Variants in BAZ1B observed in about 807,000 individuals in gnomAD.
The protein encoded by BAZ1B is tyrosine-protein kinase BAZ1B.
In BAZ1B, 22 loss-of-function variants were observed where a neutral mutation model predicts 153.8. The ratio of observed to expected loss-of-function variants is 0.14; its 90% CI spans 0.10 to 0.20. The LOEUF (loss-of-function observed/expected upper bound fraction) is 0.20, where lower values mean the gene tolerates loss of function less well. Ranked by LOEUF, BAZ1B falls within the 10% of genes least tolerant of loss-of-function variation. The probability of loss-of-function intolerance (pLI) is 1.00; values close to 1 mark genes in which losing one functional copy is unlikely to be tolerated. For missense variants in BAZ1B, 1,325 were observed against 1,799.3 expected (o/e 0.74, Z 4.77); for synonymous variants, 676 against 633.4 (o/e 1.07, Z -1.01).
chr7:73,442,804 G>A lies in BAZ1B; in HGVS notation c.4015C>T (p.Arg1339Trp). The A allele has an allele frequency of 2.5e-6, 4 of 1,613,978 alleles. No individual in the cohort carries two copies. The highest frequency in any genetic ancestry group is 2.5e-6 in the Non-Finnish European group (3 of 1,179,888). The part of the protein sequence containing the change: ...ELVLQTKRSS[R>W]RQSLELQKCE... The stretch of plus-strand genomic sequence containing the variant: ...TTCTGCAGCTCCAGGCTTTGCCTCC[G>A]GGAGCTCCGCTTGGTCTGAAGCACC... Residue 1339 changes from arginine (R) to tryptophan (W), a missense_variant, in exon 18 of 20, where the codon CGG becomes TGG. Physicochemically the swap from Arg to Trp is moderately radical, Grantham distance 101. Transcript: ENST00000339594.
At chr7:73,486,290 C>T (rs1189520826) in intron 6 of BAZ1B, among the ~76,000 whole-genome samples, 4 of 152,112 alleles carry the variant, frequency 2.6e-5, no homozygotes, top group Admixed American at 6.6e-5. Context: ...CTCTCTCCCA[C>T]GTAAGCCCTC....
chr7:73,485,481 T>G (rs939192514), intron 6 of BAZ1B, among the ~76,000 whole-genome samples: 5 of 151,790 alleles, frequency 3.3e-5, no homozygotes, highest in Non-Finnish European at 7.4e-5. Context: ...CAAAAATCAG[T>G]TGGGCATGGT....
At chr7:73,465,417 G>A (rs1788545113) in intron 11 of BAZ1B, 22 bp downstream of exon 11, 8 of 1,445,958 alleles carry the variant, frequency 5.5e-6, no homozygotes, top group African/African-American at 2.9e-5. Context: ...AAGATGTGAG[G>A]AGTAAGATGA....
In BAZ1B at chr7:73,470,490, A is replaced by G. The variant is rs782023064; in HGVS notation, c.2594-7T>C. 8 of 1,610,218 alleles carry G rather than the reference A, an allele frequency of 5.0e-6. No homozygotes were observed. The South Asian group carries it at 8.8e-5, about 18-fold the overall frequency. On this transcript the variant is annotated splice_region_variant and splice_polypyrimidine_tract_variant and intron_variant, in intron 7 of 19. Transcript: ENST00000339594. ...GCTTGGCGTTCCAGTTTCACTGTTA[A>G]AAATAAAAAGACTCAAATCAGATAT...
At chr7:73,446,079 A>T (rs970851099) in intron 16 of BAZ1B, among the ~76,000 whole-genome samples, 1 of 152,098 alleles carries the variant, frequency 6.6e-6, no homozygotes, top group African/African-American at 2.4e-5. Context: ...TATGGGGGGG[A>T]AAGTGGGAGG....
chr7:73,471,436 A>G (rs1422680152), intron 7 of BAZ1B, among the ~76,000 whole-genome samples: 1 of 152,230 alleles, frequency 6.6e-6, no homozygotes, highest in African/African-American at 2.4e-5. Flanking sequence ...AATTTTGTTA[A>G]GTTTTTCCAT....
At chr7:73,480,409 AG>A (rs1333727129) in intron 6 of BAZ1B, among the ~76,000 whole-genome samples, 3 of 152,210 alleles carry the variant, frequency 2.0e-5, no homozygotes, top group African/African-American at 7.2e-5. Context: ...ATTGAAAAAA[AG>A]AAAAACCAAA....
In BAZ1B at chr7:73,477,178, T is replaced by A; in HGVS notation, c.2283A>T (p.Ser761=). 1 of 1,614,260 alleles carries A rather than the reference T, an allele frequency of 6.2e-7. No homozygotes were observed. The highest frequency in any genetic ancestry group is 8.5e-7 in the Non-Finnish European group (1 of 1,180,046). ...ALCHRILMTY[S]VQDHMETRQQ... is the part of the protein sequence containing the mutation. ...GTCTGGTCTCCATGTGGTCTTGCAC[T>A]GAGTATGTCATGAGGATCCGGTGGC... The change falls in exon 7 of 20, where the codon TCA becomes TCT. Residue 761 remains serine (S), a synonymous_variant. Coordinates refer to ENST00000339594, the MANE Select transcript of BAZ1B (RefSeq NM_032408.4). The surrounding 1 kb of genome is among the most constrained non-coding windows in gnomAD (Gnocchi z 5.6).
At chr7:73,514,077 A>C (rs1484940083) in intron 1 of BAZ1B, among the ~76,000 whole-genome samples, 4 of 152,146 alleles carry the variant, frequency 2.6e-5, no homozygotes, top group Non-Finnish European at 4.4e-5. Flanking sequence ...AGCATCCCAA[A>C]TCCAAATATC....
chr7:73,464,724 T>C (rs926309944), intron 11 of BAZ1B, among the ~76,000 whole-genome samples: 2 of 151,922 alleles, frequency 1.3e-5, no homozygotes, highest in African/African-American at 4.8e-5. Flanking sequence ...ATTTTGGGGG[T>C]TTTTTGTTTC....
At chr7:73,445,793 C>T (rs1014421955) in intron 16 of BAZ1B, among the ~76,000 whole-genome samples, 21 of 152,076 alleles carry the variant, frequency 1.4e-4, no homozygotes, top group African/African-American at 4.8e-4. Flanking sequence ...CCTGAGAGAT[C>T]GAGGATACAG....
chr7:73,457,978 A>G (rs1296805506), intron 13 of BAZ1B, among the ~76,000 whole-genome samples: 2 of 152,216 alleles, frequency 1.3e-5, no homozygotes, highest in African/African-American at 4.8e-5. Flanking sequence ...CCTGAGTAGT[A>G]TCCTTCAAAA....
At chr7:73,517,468 G>A (rs1260135165) in intron 1 of BAZ1B, among the ~76,000 whole-genome samples, 7 of 152,064 alleles carry the variant, frequency 4.6e-5, no homozygotes, top group African/African-American at 1.7e-4. Context: ...CTGCACTCCA[G>A]CCTGGGCAAC....
At position 73,498,559 on chromosome 7, in the gene BAZ1B, G is replaced by A; in HGVS notation, c.509C>T (p.Ala170Val). Reference sequence around the variant, plus strand: ...TGTCTCCTTCTTCTGATGGTCCTGAGCAATCTGACTGGAGTTCTCTTTGTC... The same window carrying A: ...TGTCTCCTTCTTCTGATGGTCCTGAACAATCTGACTGGAGTTCTCTTTGTC... Reference protein sequence around the residue: ...SSDKENSSQIAQDHQKKETVV... With the variant: ...SSDKENSSQIVQDHQKKETVV... Residue 170 changes from alanine (A) to valine (V), a missense_variant, in exon 4 of 20, where the codon GCT becomes GTT. Physicochemically the swap from Ala to Val is moderately conservative, Grantham distance 64. Around this residue, in one of 9 missense-constraint regions of BAZ1B, gnomAD observed 153 missense variants for 204.8 expected, o/e 0.75. Coordinates refer to ENST00000339594, the MANE Select transcript of BAZ1B (RefSeq NM_032408.4). 2 of 1,613,986 alleles carry A rather than the reference G, an allele frequency of 1.2e-6. No individual in the cohort carries two copies. Among genetic ancestry groups the A allele is most frequent in the Non-Finnish European group, 1.7e-6 (2 of 1,179,980 alleles).
rs182319985 is a variant in BAZ1B, at chr7:73,485,802, T to C, written c.891+3392A>G. On this transcript the variant is annotated intron_variant, in intron 6 of 19. Transcript: ENST00000339594. ...AGAACAAGGCTAAATTCATGCAGGATTCCAAATGCCTTAAAGTATTATTTT... is the reference window on the plus strand; with the variant it reads ...AGAACAAGGCTAAATTCATGCAGGACTCCAAATGCCTTAAAGTATTATTTT... 1.5e-3 allele frequency among the ~76,000 whole-genome samples: 230 copies of C among 152,328 alleles called. 1 individual carries two copies. The highest frequency in any genetic ancestry group is 5.1e-3 in the African/African-American group (210 of 41,576).
At chr7:73,463,239 CT>C (rs11340027) in intron 11 of BAZ1B, 140 bp from the exon 12 acceptor site, 115,980 of 452,096 alleles carry the variant, frequency 0.26, 2,076 homozygotes, top group South Asian at 0.27. Flanking sequence ...TTTCTTTTTT[CT>C]TTTTTTTTTT....
In BAZ1B at chr7:73,475,034, C is replaced by T. The variant is rs560400433; in HGVS notation, c.2593+1834G>A. ...TCAAAACCACAATGAGATACCATTT[C>T]ACACCCACTAGTATGACTATCATCA... On this transcript the variant is annotated intron_variant, in intron 7 of 19. Coordinates refer to ENST00000339594, the MANE Select transcript of BAZ1B (RefSeq NM_032408.4). Among the ~76,000 whole-genome samples, 4 of 152,332 alleles carry T rather than the reference C, an allele frequency of 2.6e-5. No homozygotes were observed. The East Asian group carries it at 7.7e-4, about 29-fold the overall frequency.
chr7:73,481,073 T>C (rs1789179156), intron 6 of BAZ1B, among the ~76,000 whole-genome samples: 2 of 152,030 alleles, frequency 1.3e-5, no homozygotes, highest in African/African-American at 4.8e-5. Context: ...ATTACAGGTG[T>C]GCGCCACCAT....
intron 1 of BAZ1B, among the ~76,000 whole-genome samples, chr7:73,519,012 G>C (rs1027787086): frequency 6.6e-6 from 1 of 152,112 alleles, no homozygotes; most frequent in African/African-American, 2.4e-5. Context: ...AAGATCTAGT[G>C]TCCTGCCTGT....
Sources: gnomAD v4.1 joint callset for allele counts (sites outside exome capture counted in the v4.1 genomes callset) on GRCh38, gnomAD v4.1.1 for gene constraint, gnomAD v4.1.1 regional missense constraint, Gnocchi (gnomAD v3.1) non-coding constraint, MANE v1.5 for transcripts, NCBI Gene and HGNC (gene_info 2026-07-23, HGNC 2026-07-21) for gene names.